MSI2: variants seen among roughly 807,000 people sequenced by gnomAD.
MSI2 encodes RNA-binding protein Musashi homolog 2.
Under a neutral mutation model 45.6 loss-of-function variants are expected in MSI2, and 17 were observed. That is an observed-to-expected ratio of 0.37 (90% CI 0.26 to 0.56). MSI2 has a LOEUF of 0.56. MSI2 is among the 20% of genes least tolerant of loss of function. The pLI, the probability that MSI2 is intolerant of heterozygous loss-of-function variation, is 0.77. For missense variants in MSI2, 293 were observed against 444.2 expected, an observed-to-expected ratio of 0.66 and a Z score of 3.06; for synonymous variants, 156 against 158.2, an observed-to-expected ratio of 0.99 and a Z score of 0.11.
At chr17:57,332,679 T>C (rs772132003) in intron 5 of MSI2, among the ~76,000 whole-genome samples, 5 of 152,214 alleles carry the variant, frequency 3.3e-5, no homozygotes, top group Non-Finnish European at 7.3e-5. Context: ...TGTAAAAACT[T>C]GCTTCTCTTG....
At chr17:57,583,507 T>TTTTTTTTTA (rs757235116) in intron 7 of MSI2, among the ~76,000 whole-genome samples, 2 of 114,264 alleles carry the variant, frequency 1.8e-5, no homozygotes, top group African/African-American at 3.2e-5. Flanking sequence ...TTTTTTTTTT[T>TTTTTTTTTA]GAGACAGGGT....
At chr17:57,351,725 G>A (rs772442473) in intron 5 of MSI2, among the ~76,000 whole-genome samples, 38 of 152,108 alleles carry the variant, frequency 2.5e-4, no homozygotes, top group African/African-American at 7.5e-4. Context: ...GTGTGGTGGC[G>A]CATGCCTGTA....
chr17:57,636,406 C>A (rs1468682083), intron 10 of MSI2, among the ~76,000 whole-genome samples: 3 of 152,208 alleles, frequency 2.0e-5, no homozygotes, highest in Non-Finnish European at 4.4e-5. Context: ...GAGTGGTAAC[C>A]TGGGCCACCG....
intron 5 of MSI2, among the ~76,000 whole-genome samples, chr17:57,296,523 C>G (rs182251855): frequency 1.3e-5 from 2 of 151,834 alleles, no homozygotes; most frequent in Non-Finnish European, 2.9e-5. Context: ...CTTTCTTTGA[C>G]GATAGGGAGA....
chr17:57,568,310 A>T (rs2087787235), intron 7 of MSI2, among the ~76,000 whole-genome samples: 1 of 152,184 alleles, frequency 6.6e-6, no homozygotes, highest in African/African-American at 2.4e-5. Context: ...GTGAGTTGGG[A>T]TGATCTATAA....
intron 6 of MSI2, among the ~76,000 whole-genome samples, chr17:57,528,974 T>C (rs2086762622): frequency 1.3e-5 from 2 of 152,184 alleles, no homozygotes; most frequent in African/African-American, 4.8e-5. Context: ...AAGCTATGGC[T>C]TCTTACACTG....
chr17:57,698,362 C>T, the MSI2 span, among the ~76,000 whole-genome samples: 1 of 152,222 alleles, frequency 6.6e-6, no homozygotes, highest in Non-Finnish European at 1.5e-5. Context: ...CTGTGGGGCA[C>T]CAGAGTGTTC....
chr17:57,511,209 A>G (rs527698835), intron 6 of MSI2, among the ~76,000 whole-genome samples: 1 of 152,356 alleles, frequency 6.6e-6, no homozygotes, highest in Admixed American at 6.5e-5. Context: ...TGGAAAAGAC[A>G]TGGGCCCTGC....
At chr17:57,635,264 G>C (rs1909749429) in intron 10 of MSI2, among the ~76,000 whole-genome samples, 1 of 152,240 alleles carries the variant, frequency 6.6e-6, no homozygotes, top group South Asian at 2.1e-4. Flanking sequence ...GATCCCCAAA[G>C]CACGTGAAGT....
At chr17:57,601,370 A>G (rs1296350644) in intron 8 of MSI2, 1 of 152,260 alleles carries the variant, frequency 6.6e-6, no homozygotes, top group Non-Finnish European at 1.5e-5. Context: ...ATCAATAAAC[A>G]CACACAAATG....
chr17:57,645,434 T>A (rs535975906), intron 10 of MSI2, among the ~76,000 whole-genome samples: 1 of 151,444 alleles, frequency 6.6e-6, no homozygotes, highest in African/African-American at 2.4e-5. Flanking sequence ...TTGTTTTTTG[T>A]TTTTTGGTTT....
intron 6 of MSI2, chr17:57,448,796 C>T (rs1476164381): frequency 1.3e-5 from 2 of 152,214 alleles, no homozygotes; most frequent in African/African-American, 2.4e-5. Flanking sequence ...TAAGGTGGCA[C>T]TGTCATGACG....
At chr17:57,615,284 C>T (rs1490141608) in intron 8 of MSI2, among the ~76,000 whole-genome samples, 4 of 152,032 alleles carry the variant, frequency 2.6e-5, no homozygotes, top group Non-Finnish European at 5.9e-5. Context: ...TGTGCCACCA[C>T]ACCTGCCTAG....
intron 7 of MSI2, among the ~76,000 whole-genome samples, chr17:57,548,913 C>G (rs1598389975): frequency 7.5e-6 from 1 of 132,786 alleles, no homozygotes; most frequent in Admixed American, 7.6e-5. Flanking sequence ...CCCCCACCCC[C>G]CCGCCAAAAA....
intron 5 of MSI2, among the ~76,000 whole-genome samples, chr17:57,368,569 C>T (rs1470212514): frequency 6.6e-6 from 1 of 151,954 alleles, no homozygotes; most frequent in African/African-American, 2.4e-5. Context: ...AAAACAAAAA[C>T]AAAAAAGTCT....
intron 7 of MSI2, among the ~76,000 whole-genome samples, chr17:57,559,433 T>C (rs972269623): frequency 1.2e-4 from 18 of 152,288 alleles, no homozygotes; most frequent in East Asian, 3.9e-4. Context: ...CCATTGGCAA[T>C]ACCAACTTCC....
chr17:57,672,935 G>A (rs368462770), intron 11 of MSI2, among the ~76,000 whole-genome samples: 19 of 152,100 alleles, frequency 1.2e-4, no homozygotes, highest in South Asian at 2.1e-4. Context: ...TTCTGCCAGC[G>A]CATTCCCAGA....
At chr17:57,260,922 C>G (rs969034254) in intron 4 of MSI2, among the ~76,000 whole-genome samples, 2 of 148,806 alleles carry the variant, frequency 1.3e-5, no homozygotes, top group African/African-American at 4.9e-5. Flanking sequence ...ACTCTTTTCT[C>G]CCCTGCTCCT....
chr17:57,422,436 G>A (rs887462745), intron 6 of MSI2, among the ~76,000 whole-genome samples: 2 of 152,154 alleles, frequency 1.3e-5, no homozygotes, highest in Non-Finnish European at 2.9e-5. Context: ...CTCCAGCCTG[G>A]GTGACAGAGT....
Sources: gnomAD v4.1 joint callset for allele counts (sites outside exome capture counted in the v4.1 genomes callset) on GRCh38, gnomAD v4.1.1 for gene constraint, MANE v1.5 for transcripts, NCBI Gene and HGNC (gene_info 2026-07-23, HGNC 2026-07-21) for gene names.